The following ATF2 variants were observed in gnomAD, a reference collection of about 807,000 sequenced individuals.
ATF2 encodes the protein cyclic AMP-dependent transcription factor ATF-2.
In ATF2, 24 loss-of-function variants were observed where a neutral mutation model predicts 60.6. The ratio of observed to expected loss-of-function variants is 0.40; its 90% confidence interval spans 0.29 to 0.56. ATF2 has a LOEUF of 0.56. Among genes scored for constraint, ATF2 ranks in the 20% least tolerant of loss-of-function variants. ATF2 has a pLI of 0.54. For synonymous variants in ATF2, 206 were observed against 215.4 expected (o/e 0.96, Z 0.38); for missense variants, 433 against 607.7 (o/e 0.71, Z 3.02).
chr2:175,145,300 G>C (rs1321346076), intron 2 of ATF2, among the ~76,000 whole-genome samples: 1 of 152,156 alleles, frequency 6.6e-6, no homozygotes, highest in Non-Finnish European at 1.5e-5. Context: ...CCTGGTGAGA[G>C]GTGTTGGGGC....
At chr2:175,118,203 A>G in intron 6 of ATF2, 48 bp downstream of exon 6, 1 of 1,590,964 alleles carries the variant, frequency 6.3e-7, no homozygotes, top group Non-Finnish European at 8.6e-7. Context: ...AACTATGATT[A>G]CTTTTCTGTC....
intron 5 of ATF2, among the ~76,000 whole-genome samples, 173 bp from the exon 6 acceptor site, chr2:175,118,542 G>T (rs539987403): frequency 6.6e-6 from 1 of 151,566 alleles, no homozygotes; most frequent in Non-Finnish European, 1.5e-5. Flanking sequence ...GTTGTACTTC[G>T]TATTTCCTCC....
At chr2:175,148,205 C>T (rs895640868) in intron 2 of ATF2, among the ~76,000 whole-genome samples, 7 of 152,214 alleles carry the variant, frequency 4.6e-5, no homozygotes, top group Non-Finnish European at 8.8e-5. Flanking sequence ...TCTCCAGTAC[C>T]ATTAGTATGA....
chr2:175,127,912 G>A (rs1043237803), intron 4 of ATF2, among the ~76,000 whole-genome samples: 30 of 152,088 alleles, frequency 2.0e-4, no homozygotes, highest in African/African-American at 7.2e-4. Context: ...ACCCTCACCA[G>A]AATGACTAAA....
chr2:175,079,040 CTA>C (rs1336176804), intron 13 of ATF2, among the ~76,000 whole-genome samples: 1 of 152,044 alleles, frequency 6.6e-6, no homozygotes, highest in East Asian at 1.9e-4. Context: ...ACTTAGTACT[CTA>C]TGTACTAAAA....
At position 175,073,083 on chromosome 2, in the gene ATF2, C is replaced by A. The variant is rs1216579474; in HGVS notation, c.*1526G>T. ...ATTACAGATATTTACATAGTGGAAT[C>A]CTGCTTGAATGCCAGAAGTTGCTAC... On this transcript the variant is annotated 3_prime_UTR_variant, in exon 14 of 14. Coordinates refer to ENST00000264110, the MANE Select transcript of ATF2 (RefSeq NM_001880.4). 1 of 152,086 alleles carries A rather than the reference C, an allele frequency of 6.6e-6. No individual in the cohort carries two copies. The highest frequency in any genetic ancestry group is 1.5e-5 in the Non-Finnish European group (1 of 67,982). 9.4% of individuals were successfully genotyped at this position (152,086 alleles called of 1,614,324 possible).
intron 10 of ATF2, among the ~76,000 whole-genome samples, chr2:175,103,559 T>C (rs1695447471): frequency 6.6e-6 from 1 of 152,088 alleles, no homozygotes; most frequent in Non-Finnish European, 1.5e-5. Flanking sequence ...ACCAAGTTAA[T>C]GTAGGTTTCT....
At chr2:175,124,112 A>G (rs1697155443) in intron 4 of ATF2, among the ~76,000 whole-genome samples, 2 of 151,788 alleles carry the variant, frequency 1.3e-5, no homozygotes, top group Non-Finnish European at 2.9e-5. Context: ...TTTTGTAAAA[A>G]TATCTATATT....
At chr2:175,085,809 CGT>C (rs1245475022) in intron 12 of ATF2, among the ~76,000 whole-genome samples, 2 of 152,036 alleles carry the variant, frequency 1.3e-5, no homozygotes, top group Non-Finnish European at 2.9e-5. Context: ...CTTGCTACAA[CGT>C]ATATTTGTGC....
At chr2:175,127,933 C>T (rs1220809370) in intron 4 of ATF2, among the ~76,000 whole-genome samples, 1 of 152,144 alleles carries the variant, frequency 6.6e-6, no homozygotes, top group African/African-American at 2.4e-5. Context: ...ACTTAAGAGA[C>T]TAACCAAAAA....
chr2:175,074,709 G>T lies in ATF2; in HGVS notation c.1418C>A (p.Ala473Asp). The T allele has an allele frequency of 6.2e-7, 1 of 1,613,440 alleles. No individual in the cohort carries two copies. Among genetic ancestry groups the T allele is most frequent in the Non-Finnish European group, 8.5e-7 (1 of 1,179,696 alleles). ...VSSTSKAEAV[A>D]TSVLTQMADQ... ...CGCCATCTGGGTGAGGACTGAAGTG[G>T]CTACAGCTTCTGCCTTGGAGGTTGA... The change falls in exon 14 of 14, where the codon GCC (alanine) becomes GAC (aspartate). Residue 473 changes from alanine to aspartate, a missense_variant. Ala to Asp is a moderately radical substitution (Grantham distance 126, BLOSUM62 -2). Around this residue, in one of 5 missense-constraint regions of ATF2, gnomAD observed 114 missense variants for 104.0 expected, o/e 1.10. Transcript: ENST00000264110.
At chr2:175,137,570 C>T (rs1167923977) in intron 2 of ATF2, among the ~76,000 whole-genome samples, 2 of 151,932 alleles carry the variant, frequency 1.3e-5, no homozygotes, top group African/African-American at 4.8e-5. Flanking sequence ...AACTTTCAGT[C>T]TAGAGGAAAG....
intron 1 of ATF2, among the ~76,000 whole-genome samples, chr2:175,166,429 A>AT (rs758342114): frequency 3.9e-5 from 6 of 152,214 alleles, no homozygotes; most frequent in Admixed American, 6.5e-5. Flanking sequence ...GCAACTACTG[A>AT]TGGCCTTAAA....
intron 9 of ATF2, 71 bp from the exon 10 acceptor site, chr2:175,111,725 T>G: frequency 7.7e-7 from 1 of 1,291,474 alleles, no homozygotes; most frequent in Non-Finnish European, 1.1e-6. Flanking sequence ...TTACTGCTGT[T>G]GTAATAATTT....
intron 12 of ATF2, among the ~76,000 whole-genome samples, chr2:175,083,363 C>T (rs188325630): frequency 4.3e-4 from 65 of 152,114 alleles, no homozygotes; most frequent in Non-Finnish European, 7.1e-4. Context: ...ACTATCTGAT[C>T]GTTGACAAAC....
At chr2:175,148,453 G>T (rs965551152) in intron 2 of ATF2, among the ~76,000 whole-genome samples, 2 of 152,078 alleles carry the variant, frequency 1.3e-5, no homozygotes, top group South Asian at 4.2e-4. Context: ...TGAAGTGTGG[G>T]ACTGTAAACC....
At chr2:175,102,363 A>T (rs1041992371) in intron 10 of ATF2, among the ~76,000 whole-genome samples, 7 of 152,238 alleles carry the variant, frequency 4.6e-5, no homozygotes, top group Non-Finnish European at 7.3e-5. Flanking sequence ...TAAGTTAAGC[A>T]TCTGATATTG....
intron 1 of ATF2, among the ~76,000 whole-genome samples, chr2:175,160,052 C>A (rs1699920638): frequency 6.6e-6 from 1 of 152,086 alleles, no homozygotes; most frequent in Admixed American, 6.6e-5. Context: ...ATGAAAAATA[C>A]ATCAATAAAA....
In ATF2 at chr2:175,074,452, C is replaced by T; in HGVS notation, c.*157G>A. ...ACTAAAAACCGTTTTTCAGTCTGAT[C>T]AACTGCTGCTACACCAACTTTAGAG... is the stretch of plus-strand genomic sequence containing the variant. On this transcript the variant is annotated 3_prime_UTR_variant, in exon 14 of 14. Coordinates refer to ENST00000264110, the MANE Select transcript of ATF2 (RefSeq NM_001880.4). 3 of 869,852 alleles carry T rather than the reference C, an allele frequency of 3.4e-6. No homozygotes were observed. The highest frequency in any genetic ancestry group is 5.0e-6 in the Non-Finnish European group (3 of 598,886). The allele number at this position is 869,852 out of a possible 1,614,324, so 53.9% of individuals were successfully genotyped here. A position where few individuals can be genotyped will look rare whatever the true frequency, so the allele number is the denominator to read the frequency against.
Sources: gnomAD v4.1 joint callset for allele counts (sites outside exome capture counted in the v4.1 genomes callset) on GRCh38, gnomAD v4.1.1 for gene constraint, gnomAD v4.1.1 regional missense constraint, MANE v1.5 for transcripts, NCBI Gene and HGNC (gene_info 2026-07-23, HGNC 2026-07-21) for gene names.